The following DMD variants were observed in gnomAD, a reference collection of about 807,000 sequenced individuals.
The protein encoded by DMD is mutant dystrophin.
A neutral mutation model predicts 330.1 loss-of-function variants in DMD; 63 were observed. That is an observed-to-expected ratio of 0.19 (90% confidence interval 0.16 to 0.24). DMD has a LOEUF of 0.24. DMD is among the 10% of genes least tolerant of loss of function. The pLI is 1.00. For missense variants in DMD, 3,344 were observed against 2,684.1 expected (o/e 1.25, Z -5.43); for synonymous variants, 1,223 against 959.8 (o/e 1.27, Z -5.07).
intron 16 of DMD, among the ~76,000 whole-genome samples, chrX:32,563,066 C>T (rs2051219380): frequency 9.0e-6 from 1 of 110,913 alleles, no homozygotes; most frequent in Non-Finnish European, 1.9e-5. Context: ...GTGGGCCGGG[C>T]GCGGTGACTT....
chrX:32,728,918 T>A (rs183801230), intron 7 of DMD, among the ~76,000 whole-genome samples: 78 of 112,173 alleles, frequency 7.0e-4, no homozygotes, highest in African/African-American at 2.4e-3. Flanking sequence ...GAAATACTTT[T>A]ACCTATCCAC....
intron 60 of DMD, among the ~76,000 whole-genome samples, chrX:31,407,636 T>C (rs1407458599): frequency 3.5e-5 from 3 of 85,417 alleles, no homozygotes; most frequent in African/African-American, 1.7e-4. Flanking sequence ...CACGCCTGGC[T>C]AATTTTTTGT....
intron 17 of DMD, among the ~76,000 whole-genome samples, chrX:32,522,871 A>G (rs376237108): frequency 6.2e-5 from 7 of 112,310 alleles, no homozygotes; most frequent in African/African-American, 1.3e-4. Flanking sequence ...GTCTGACTCA[A>G]TTATACATCA....
intron 7 of DMD, among the ~76,000 whole-genome samples, chrX:32,730,639 G>C (rs946170930): frequency 8.9e-6 from 1 of 111,958 alleles, no homozygotes; most frequent in African/African-American, 3.3e-5. Flanking sequence ...GGACTAGAAA[G>C]CCTATGAAAA....
chrX:32,647,822 G>C (rs777834862), intron 9 of DMD, among the ~76,000 whole-genome samples: 14 of 111,989 alleles, frequency 1.3e-4, no homozygotes, highest in Admixed American at 1.1e-3. Flanking sequence ...ATTGCCCCAA[G>C]ATTACCTTCT....
chrX:31,788,206 G>C (rs892908682), intron 50 of DMD, among the ~76,000 whole-genome samples: 4 of 111,567 alleles, frequency 3.6e-5, no homozygotes, highest in African/African-American at 6.5e-5. Context: ...GAAAAGCTGT[G>C]AGCCCACAGT....
chrX:31,653,506 G>A (rs953332646), intron 54 of DMD, among the ~76,000 whole-genome samples: 2 of 110,127 alleles, frequency 1.8e-5, no homozygotes, highest in African/African-American at 6.6e-5. Context: ...TCCTCTGCTT[G>A]ATGAGTTTGT....
intron 49 of DMD, among the ~76,000 whole-genome samples, chrX:31,828,038 C>G (rs1298597036): frequency 9.0e-6 from 1 of 111,294 alleles, no homozygotes; most frequent in African/African-American, 3.3e-5. Context: ...AACTCAAATC[C>G]AGCAGAAGAA....
chrX:32,179,136 C>T (rs1219732587), intron 44 of DMD, among the ~76,000 whole-genome samples: 1 of 110,917 alleles, frequency 9.0e-6, no homozygotes. Flanking sequence ...TTCATTTAAG[C>T]TACCATACAA....
chrX:31,957,196 C>T (rs535966921), intron 45 of DMD, among the ~76,000 whole-genome samples: 1 of 111,496 alleles, frequency 9.0e-6, no homozygotes, highest in East Asian at 2.8e-4. Flanking sequence ...GAGTTCTGCC[C>T]ATTTTGAGCT....
chrX:31,459,180 T>G (rs750028789), intron 59 of DMD, among the ~76,000 whole-genome samples: 1 of 111,292 alleles, frequency 9.0e-6, no homozygotes, highest in Admixed American at 9.9e-5. Context: ...TGCCGTTGCA[T>G]ACAGTCTGCT....
intron 5 of DMD, among the ~76,000 whole-genome samples, chrX:32,820,357 G>T (rs769716408): frequency 1.8e-5 from 2 of 111,460 alleles, no homozygotes; most frequent in Non-Finnish European, 3.8e-5. Context: ...CAAGAGAATG[G>T]CATGAACCCA....
At chrX:31,264,206 G>C (rs1198448129) in intron 62 of DMD, among the ~76,000 whole-genome samples, 1 of 112,033 alleles carries the variant, frequency 8.9e-6, no homozygotes, top group East Asian at 2.8e-4. Context: ...AACTCCATGA[G>C]AAGAGCCCAC....
At chrX:31,384,126 G>A (rs756878786) in intron 60 of DMD, among the ~76,000 whole-genome samples, 1 of 111,508 alleles carries the variant, frequency 9.0e-6, no homozygotes, top group African/African-American at 3.3e-5. Context: ...CCCACACAGA[G>A]TTTTGTTCCT....
intron 74 of DMD, among the ~76,000 whole-genome samples, chrX:31,166,082 G>A (rs2039387592): frequency 8.9e-6 from 1 of 112,166 alleles, no homozygotes; most frequent in Non-Finnish European, 1.9e-5. Flanking sequence ...TTTTCTCTAC[G>A]AAATTAGGTT....
At chrX:31,302,979 T>G (rs1418928951) in intron 62 of DMD, among the ~76,000 whole-genome samples, 1 of 111,764 alleles carries the variant, frequency 8.9e-6, no homozygotes, top group Admixed American at 9.5e-5. Flanking sequence ...ATGCTCAGAA[T>G]TAACATTTTA....
chrX:32,711,412 C>A (rs2065178807), intron 7 of DMD, among the ~76,000 whole-genome samples: 1 of 111,084 alleles, frequency 9.0e-6, no homozygotes, highest in South Asian at 3.8e-4. Context: ...CCCATATGGG[C>A]TCTGATCTTG....
intron 60 of DMD, among the ~76,000 whole-genome samples, chrX:31,404,210 A>G (rs1412914257): frequency 9.0e-6 from 1 of 111,386 alleles, no homozygotes; most frequent in East Asian, 2.8e-4. Flanking sequence ...AATGCGATAT[A>G]AAAATTAAGG....
intron 1 of DMD, among the ~76,000 whole-genome samples, chrX:33,108,539 T>TCATGCC (rs1350031456): frequency 1.8e-5 from 2 of 108,680 alleles, no homozygotes; most frequent in Non-Finnish European, 3.8e-5. Flanking sequence ...GTGCTGGGAT[T>TCATGCC]ACAGGCATGA....
Sources: allele counts gnomAD v4.1 joint callset (sites outside exome capture counted in the v4.1 genomes callset), GRCh38; gene constraint gnomAD v4.1.1; transcripts MANE v1.5; gene names NCBI Gene and HGNC (gene_info 2026-07-23, HGNC 2026-07-21).